The following PCNX1 variants were observed in gnomAD, a reference collection of about 807,000 sequenced individuals.
PCNX1 encodes pecanex 1.
A neutral mutation model predicts 242.2 loss-of-function variants in PCNX1; 78 were observed. The observed-to-expected ratio is 0.32, with a 90% CI of 0.27 to 0.39. The LOEUF (loss-of-function observed/expected upper bound fraction) is 0.39, where lower values mean the gene tolerates loss of function less well. PCNX1 is among the 10% of genes least tolerant of loss of function. The pLI, the probability that PCNX1 is intolerant of heterozygous loss-of-function variation, is 1.00. For synonymous variants in PCNX1, 1,024 were observed against 1,032.9 expected (o/e 0.99, Z 0.17); for missense variants, 2,581 against 2,856.5 (o/e 0.90, Z 2.20).
chr14:71,042,421 C>A (rs995950546), intron 19 of PCNX1, among the ~76,000 whole-genome samples: 1 of 151,838 alleles, frequency 6.6e-6, no homozygotes, highest in Non-Finnish European at 1.5e-5. Context: ...TATATAACGA[C>A]CTTCTTTGTC....
chr14:70,942,957 T>TA (rs2140270334), intron 1 of PCNX1: 1 of 152,568 alleles, frequency 6.6e-6, no homozygotes, highest in South Asian at 2.1e-4. Context: ...CTGATGGTTT[T>TA]ATAAGGGGCT....
chr14:71,026,896 T>C lies in PCNX1; in HGVS notation c.3466+14T>C. 1 of 1,040,064 alleles carries C rather than the reference T, an allele frequency of 9.6e-7. No homozygotes were observed. The highest frequency in any genetic ancestry group is 1.5e-6 in the Non-Finnish European group (1 of 661,954). 64.4% of individuals were successfully genotyped at this position (1,040,064 alleles called of 1,614,324 possible). On this transcript the variant is annotated intron_variant, in intron 15 of 35. Coordinates refer to ENST00000304743, the MANE Select transcript of PCNX1 (RefSeq NM_014982.3). Reference sequence around the variant, plus strand: ...TTGGTGGTAATGGTGAGTACTTCTTTATAAAAATTATAGATTACAGTATTA... The same window carrying C: ...TTGGTGGTAATGGTGAGTACTTCTTCATAAAAATTATAGATTACAGTATTA...
intron 8 of PCNX1, 30 bp from the exon 9 acceptor site, chr14:71,009,604 G>C (rs960196493): frequency 7.6e-7 from 1 of 1,313,246 alleles, no homozygotes; most frequent in Non-Finnish European, 1.1e-6. Flanking sequence ...GTATTCTAAT[G>C]GCTTTTTAAA....
chr14:70,923,461 A>T (rs2056456605), intron 1 of PCNX1, among the ~76,000 whole-genome samples: 1 of 152,192 alleles, frequency 6.6e-6, no homozygotes, highest in Non-Finnish European at 1.5e-5. Flanking sequence ...AATTTGCATG[A>T]TTAAAAACCA....
chr14:71,058,629 C>T (rs1398863855), intron 26 of PCNX1, among the ~76,000 whole-genome samples: 1 of 152,144 alleles, frequency 6.6e-6, no homozygotes, highest in African/African-American at 2.4e-5. Context: ...TCTATAACCC[C>T]ATAGCTTTAT....
intron 7 of PCNX1, among the ~76,000 whole-genome samples, chr14:70,992,971 T>A (rs1216023042): frequency 6.6e-6 from 1 of 152,154 alleles, no homozygotes; most frequent in African/African-American, 2.4e-5. Flanking sequence ...CTCATTTACA[T>A]GGATCCATCA....
At chr14:70,957,659 T>C (rs1268261578) in intron 2 of PCNX1, among the ~76,000 whole-genome samples, 1 of 152,092 alleles carries the variant, frequency 6.6e-6, no homozygotes, top group Admixed American at 6.6e-5. Flanking sequence ...GGGGTTTGTT[T>C]TTGAGGTGAT....
chr14:70,998,935 A>G (rs191801953), intron 8 of PCNX1, among the ~76,000 whole-genome samples: 130 of 152,138 alleles, frequency 8.5e-4, no homozygotes, highest in African/African-American at 2.9e-3. Context: ...CTTCAATGTA[A>G]TATGTTGCTC....
intron 1 of PCNX1, among the ~76,000 whole-genome samples, chr14:70,935,076 A>G (rs556590865): frequency 6.6e-6 from 1 of 152,354 alleles, no homozygotes; most frequent in South Asian, 2.1e-4. Context: ...AGAAACCTCA[A>G]GAGTAATCAC....
Position 70,932,186 on chromosome 14 carries a change from G to C in PCNX1, c.154-14729G>C, listed in dbSNP as rs1240867457. ...TAAATAAATTTAGTGTTTTAAATTTGGAAACGAAACTTTTTCAACTTTTTC... is the reference window on the plus strand; with the variant it reads ...TAAATAAATTTAGTGTTTTAAATTTCGAAACGAAACTTTTTCAACTTTTTC... On this transcript the variant is annotated intron_variant, in intron 1 of 35. Transcript: ENST00000304743. 7.9e-5 allele frequency among the ~76,000 whole-genome samples: 12 copies of C among 152,264 alleles called. No homozygotes were observed. In the East Asian group the frequency reaches 2.3e-3, roughly 29 times the overall value.
Position 71,111,086 on chromosome 14 carries a change from T to C in PCNX1, c.*1151T>C, listed in dbSNP as rs1479243562. ...TATTTTTCCCCTCTTCTTTTTCTGTTACTTGAATTTTATTTCCTGTAATTT... is the reference window on the plus strand; with the variant it reads ...TATTTTTCCCCTCTTCTTTTTCTGTCACTTGAATTTTATTTCCTGTAATTT... On this transcript the variant is annotated 3_prime_UTR_variant, in exon 36 of 36. Transcript: ENST00000304743. The C allele has an allele frequency of 1.3e-5, 2 of 152,660 alleles. No homozygotes were observed. Among genetic ancestry groups the C allele is most frequent in the Admixed American group, 6.5e-5 (1 of 15,286 alleles). 9.5% of individuals were successfully genotyped at this position (152,660 alleles called of 1,614,324 possible).
Position 71,102,076 on chromosome 14 carries a change from C to G in PCNX1, c.5676C>G (p.Ala1892=), listed in dbSNP as rs371968177. The G allele has an allele frequency of 6.2e-7, 1 of 1,613,832 alleles. No individual in the cohort carries two copies. Among genetic ancestry groups the G allele is most frequent in the Admixed American group, 1.7e-5 (1 of 59,990 alleles). The change falls in exon 31 of 36, where the codon GCC becomes GCG. Residue 1892 remains alanine (A), a synonymous_variant. Transcript: ENST00000304743. ...CTCATGAGAAGAACCTCGTAATAGCCCATGAAGGGGACCCTGCATGGCGGA... is the reference window on the plus strand; with the variant it reads ...CTCATGAGAAGAACCTCGTAATAGCGCATGAAGGGGACCCTGCATGGCGGA... ...IVSHEKNLVI[A]HEGDPAWRSA... is the part of the protein sequence containing the mutation.
chr14:71,056,905 C>G (rs1334398915), intron 25 of PCNX1, among the ~76,000 whole-genome samples: 2 of 152,042 alleles, frequency 1.3e-5, no homozygotes, highest in East Asian at 3.9e-4. Context: ...GTCTCCTGGC[C>G]TGAAGTGATC....
At chr14:71,009,509 A>G (rs1270525151) in intron 8 of PCNX1, 125 bp from the exon 9 acceptor site, 2 of 476,390 alleles carry the variant, frequency 4.2e-6, no homozygotes, top group Admixed American at 7.6e-5. Context: ...ATTGTTTTAA[A>G]AAAATTTTTT....
intron 1 of PCNX1, among the ~76,000 whole-genome samples, chr14:70,925,215 C>T (rs2056542502): frequency 6.6e-6 from 1 of 152,302 alleles, no homozygotes; most frequent in African/African-American, 2.4e-5. Flanking sequence ...TCTTGGACTC[C>T]GGACCTCAAG....
At chr14:71,008,378 C>T (rs1032174030) in intron 8 of PCNX1, among the ~76,000 whole-genome samples, 16 of 151,998 alleles carry the variant, frequency 1.1e-4, no homozygotes, top group African/African-American at 3.4e-4. Context: ...CTGTTTTGGC[C>T]GGGCGCAGTG....
chr14:71,097,887 TTC>T (rs1276971128), intron 30 of PCNX1, among the ~76,000 whole-genome samples: 3 of 152,222 alleles, frequency 2.0e-5, no homozygotes, highest in Non-Finnish European at 4.4e-5. Context: ...TTCCTAGATT[TTC>T]TTCTAGGATT....
intron 1 of PCNX1, among the ~76,000 whole-genome samples, chr14:70,910,627 AG>A (rs2055859956): frequency 6.6e-6 from 1 of 152,158 alleles, no homozygotes; most frequent in Non-Finnish European, 1.5e-5. Flanking sequence ...CAACTTCCCC[AG>A]CTCTCACAAG....
chr14:71,039,521 C>G (rs559233683), intron 19 of PCNX1, among the ~76,000 whole-genome samples: 2 of 152,310 alleles, frequency 1.3e-5, no homozygotes, highest in South Asian at 4.1e-4. Flanking sequence ...AGGAGCTGTA[C>G]TCTTTTATAA....
Sources: allele counts gnomAD v4.1 joint callset (sites outside exome capture counted in the v4.1 genomes callset), GRCh38; gene constraint gnomAD v4.1.1; transcripts MANE v1.5; gene names NCBI Gene and HGNC (gene_info 2026-07-23, HGNC 2026-07-21).